HPSE2: variants seen among roughly 807,000 people sequenced by gnomAD.
The protein encoded by HPSE2 is heparanase 2 (inactive), also known as inactive heparanase-2.
HPSE2 carries 38 observed loss-of-function variants against 60.5 expected under a neutral mutation model. That is an observed-to-expected ratio of 0.63 (90% CI 0.48 to 0.82). The LOEUF is 0.82. Among genes scored for constraint, HPSE2 ranks in the 40% least tolerant of loss-of-function variants. The pLI is 0.00. For missense variants in HPSE2, 713 were observed against 740.4 expected, an observed-to-expected ratio of 0.96 and a Z score of 0.43; for synonymous variants, 295 against 293.2, an observed-to-expected ratio of 1.01 and a Z score of -0.06.
the HPSE2 span, among the ~76,000 whole-genome samples, chr10:99,297,458 A>G: frequency 4.6e-5 from 7 of 152,228 alleles, no homozygotes; most frequent in Non-Finnish European, 1.0e-4. Context: ...TTGGCTAGGC[A>G]ATTGCTTAGA....
intron 3 of HPSE2, among the ~76,000 whole-genome samples, chr10:99,101,115 C>G (rs535658590): frequency 1.3e-5 from 2 of 152,232 alleles, no homozygotes; most frequent in South Asian, 4.1e-4. Flanking sequence ...ATCATAATGA[C>G]AGGATAAAAT....
At chr10:98,736,774 C>A (rs143947329) in intron 4 of HPSE2, among the ~76,000 whole-genome samples, 9 of 152,234 alleles carry the variant, frequency 5.9e-5, no homozygotes, top group Non-Finnish European at 1.0e-4. Context: ...ACTAGAATTT[C>A]TTTGTTCTGT....
At chr10:98,886,918 T>C (rs1442190053) in intron 3 of HPSE2, among the ~76,000 whole-genome samples, 1 of 152,162 alleles carries the variant, frequency 6.6e-6, no homozygotes, top group African/African-American at 2.4e-5. Flanking sequence ...CAATGAGTTA[T>C]ATGCATATGA....
chr10:98,468,067 C>T (rs1475846386), intron 11 of HPSE2, among the ~76,000 whole-genome samples: 1 of 152,266 alleles, frequency 6.6e-6, no homozygotes, highest in South Asian at 2.1e-4. Flanking sequence ...CCGGCCCCCT[C>T]GCTGAGCGAG....
chr10:99,181,799 G>A (rs1228999198), intron 2 of HPSE2, among the ~76,000 whole-genome samples: 1 of 152,050 alleles, frequency 6.6e-6, no homozygotes, highest in Non-Finnish European at 1.5e-5. Flanking sequence ...GATGGGTGCA[G>A]CAAACCACCA....
the HPSE2 span, among the ~76,000 whole-genome samples, chr10:99,290,822 C>T: frequency 0.86 from 130,070 of 152,092 alleles, 55,960 homozygotes; most frequent in African/African-American, 0.92. Context: ...TTAGGTGACC[C>T]AGACAAATTA....
At chr10:99,019,401 TCCCTACAA>T (rs1957212493) in intron 3 of HPSE2, among the ~76,000 whole-genome samples, 1 of 152,218 alleles carries the variant, frequency 6.6e-6, no homozygotes, top group Non-Finnish European at 1.5e-5. Context: ...TTCTTTAGTT[TCCCTACAA>T]CCCTTTATGG....
chr10:99,191,511 C>G (rs564206626), intron 2 of HPSE2, among the ~76,000 whole-genome samples: 11 of 152,208 alleles, frequency 7.2e-5, no homozygotes, highest in African/African-American at 2.7e-4. Flanking sequence ...TTACCCAAGA[C>G]TCCCAAGGCA....
chr10:98,743,842 C>T, intron 4 of HPSE2, 41 bp downstream of exon 4: 1 of 1,570,280 alleles, frequency 6.4e-7, no homozygotes, highest in East Asian at 2.2e-5. Flanking sequence ...TATTTTTCCC[C>T]TTTATTTTGT....
Position 98,721,643 on chromosome 10 carries a change from A to G in HPSE2, c.956+14T>C. 2 of 1,612,076 alleles carry G rather than the reference A, an allele frequency of 1.2e-6. No individual in the cohort carries two copies. Among genetic ancestry groups the G allele is most frequent in the Non-Finnish European group, 1.7e-6 (2 of 1,178,828 alleles). On this transcript the variant is annotated intron_variant, in intron 5 of 11. Transcript: ENST00000370552. ...TGAACAATGTCATAAGAAAAGCTAAATAATCTGACCTACCCATCTAGGAGG... is the reference window on the plus strand; with the variant it reads ...TGAACAATGTCATAAGAAAAGCTAAGTAATCTGACCTACCCATCTAGGAGG...
At chr10:99,060,105 AAG>A (rs150587530) in intron 3 of HPSE2, among the ~76,000 whole-genome samples, 2,446 of 152,142 alleles carry the variant, frequency 0.016, 64 homozygotes, top group African/African-American at 0.056. Context: ...CAAAAAGAAA[AAG>A]AGGACAATCA....
At chr10:98,905,166 T>C (rs1953776446) in intron 3 of HPSE2, among the ~76,000 whole-genome samples, 1 of 152,174 alleles carries the variant, frequency 6.6e-6, no homozygotes, top group Non-Finnish European at 1.5e-5. Flanking sequence ...TTCTTCTTTT[T>C]TTTTTTATTA....
chr10:98,481,098 G>C (rs1280759626), intron 11 of HPSE2, among the ~76,000 whole-genome samples: 1 of 152,174 alleles, frequency 6.6e-6, no homozygotes, highest in East Asian at 1.9e-4. Flanking sequence ...CTGACACTGG[G>C]CAGGCTCAGC....
chr10:99,101,142 T>G (rs1277859956), intron 3 of HPSE2, among the ~76,000 whole-genome samples: 5 of 152,082 alleles, frequency 3.3e-5, no homozygotes, highest in Non-Finnish European at 7.4e-5. Context: ...ATTACAATAT[T>G]AACCTTAAAT....
chr10:99,011,125 T>C (rs971975897), intron 3 of HPSE2, among the ~76,000 whole-genome samples: 2 of 108,810 alleles, frequency 1.8e-5, no homozygotes, highest in Non-Finnish European at 4.0e-5. Context: ...AGTTTTCTGT[T>C]CCTGTGTTAG....
intron 3 of HPSE2, among the ~76,000 whole-genome samples, chr10:99,074,436 G>A (rs1472393410): frequency 3.9e-5 from 6 of 151,978 alleles, no homozygotes; most frequent in Non-Finnish European, 5.9e-5. Context: ...TCCTATTAAT[G>A]TGCTCTTTCA....
At chr10:98,979,659 A>T (rs1432597161) in intron 3 of HPSE2, among the ~76,000 whole-genome samples, 1 of 152,208 alleles carries the variant, frequency 6.6e-6, no homozygotes, top group Non-Finnish European at 1.5e-5. Flanking sequence ...TTAACCGTGT[A>T]TTTCTCCTAG....
At chr10:98,855,675 C>T (rs1031609193) in intron 3 of HPSE2, among the ~76,000 whole-genome samples, 3 of 152,110 alleles carry the variant, frequency 2.0e-5, no homozygotes, top group Admixed American at 1.3e-4. Context: ...AAATGACTGA[C>T]GAGAAAGCCC....
intron 3 of HPSE2, among the ~76,000 whole-genome samples, chr10:99,133,444 G>T (rs1845524873): frequency 6.6e-6 from 1 of 152,198 alleles, no homozygotes; most frequent in Admixed American, 6.5e-5. Flanking sequence ...TCCTGACTGG[G>T]AGACACCTCC....
Sources: allele counts gnomAD v4.1 joint callset (sites outside exome capture counted in the v4.1 genomes callset), GRCh38; gene constraint gnomAD v4.1.1; transcripts MANE v1.5; gene names NCBI Gene and HGNC (gene_info 2026-07-23, HGNC 2026-07-21).